The following PCDHGB4 variants were observed in gnomAD, a reference collection of about 807,000 sequenced individuals.
PCDHGB4 encodes protocadherin gamma subfamily B, 4.
Under a neutral mutation model 60.5 loss-of-function variants are expected in PCDHGB4, and 38 were observed. The observed-to-expected ratio is 0.63, with a 90% CI of 0.48 to 0.82. The LOEUF (loss-of-function observed/expected upper bound fraction) is 0.82. Ranked by LOEUF, PCDHGB4 falls within the 40% of genes least tolerant of loss-of-function variation. The pLI, the probability that PCDHGB4 is intolerant of heterozygous loss-of-function variation, is 0.00. For synonymous variants in PCDHGB4, 456 were observed against 509.7 expected (o/e 0.89, Z 1.42); for missense variants, 1,109 against 1,209.6 (o/e 0.92, Z 1.23).
rs761396116 is a variant in PCDHGB4 at position 141,409,790 on chromosome 5, C to T, written c.2397+19509C>T. 4 of 1,612,010 alleles carry T rather than the reference C, an allele frequency of 2.5e-6. No homozygotes were observed. The Admixed American group carries it at 5.0e-5, about 20-fold the overall frequency. ...TCACGAGCAGCTGCGCGCCTTCGCGCTCACGCTGCAGGCCCGCGACCACGG... is the reference window on the plus strand; with the variant it reads ...TCACGAGCAGCTGCGCGCCTTCGCGTTCACGCTGCAGGCCCGCGACCACGG... On this transcript the variant is annotated intron_variant, in intron 1 of 3. Transcript: ENST00000519479.
rs1486554010 is a variant in PCDHGB4 at position 141,431,630 on chromosome 5, G to C, written c.2397+41349G>C. Reference sequence around the variant, plus strand: ...GTATGTGGACGACAAGGCGGCCCAAGTTTTCAAACTAGATTGTAATTCAGG... The same window carrying C: ...GTATGTGGACGACAAGGCGGCCCAACTTTTCAAACTAGATTGTAATTCAGG... On this transcript the variant is annotated intron_variant, in intron 1 of 3. Transcript: ENST00000519479. This position sits in a 1 kb window ranked among gnomAD's most constrained non-coding sequence, Gnocchi z 4.8. 6.2e-7 allele frequency: 1 copy of C among 1,614,250 alleles called. No individual in the cohort carries two copies. Among genetic ancestry groups the C allele is most frequent in the East Asian group, 2.2e-5 (1 of 44,882 alleles).
At position 141,388,579 on chromosome 5, in the gene PCDHGB4, T is replaced by A. The variant is rs113550354; in HGVS notation, c.695T>A (p.Val232Glu). 7 of 1,613,908 alleles carry A rather than the reference T, an allele frequency of 4.3e-6. No homozygotes were observed. Among genetic ancestry groups the A allele is most frequent in the Non-Finnish European group, 5.1e-6 (6 of 1,179,890 alleles). The change falls in exon 1 of 4, where the codon GTG becomes GAG. Residue 232 changes from valine to glutamate, a missense_variant. Val to Glu is a moderately radical substitution (Grantham distance 121, BLOSUM62 -2). Around this residue, in one of 2 missense-constraint regions of PCDHGB4, gnomAD observed 1,068 missense variants for 1,089.9 expected, o/e 0.98. Transcript: ENST00000519479. Reference protein sequence around the residue: ...LSSTAQIHVLVTDANDNAPVF... With the variant: ...LSSTAQIHVLETDANDNAPVF... ...AGCACTGCACAGATACACGTTCTAG[T>A]GACTGATGCCAATGATAATGCTCCA...
intron 1 of PCDHGB4, among the ~76,000 whole-genome samples, chr5:141,468,178 T>G (rs1033546956): frequency 1.3e-5 from 2 of 151,580 alleles, no homozygotes; most frequent in African/African-American, 4.8e-5. Context: ...TAGAAAAATT[T>G]GCTGGGCATG....
At position 141,389,470 on chromosome 5, in the gene PCDHGB4, C is replaced by T. The variant is rs776427212; in HGVS notation, c.1586C>T (p.Thr529Ile). The T allele has an allele frequency of 1.2e-6, 2 of 1,613,240 alleles. No individual in the cohort carries two copies. The highest frequency in any genetic ancestry group is 2.2e-5 in the East Asian group (1 of 44,880). The change falls in exon 1 of 4, where the codon ACA becomes ATA. Residue 529 changes from threonine to isoleucine, a missense_variant. This residue lies in a region of PCDHGB4 where 1,068 missense variants were observed against 1,089.9 expected (regional missense o/e 0.98). Coordinates refer to ENST00000519479, the MANE Select transcript of PCDHGB4 (RefSeq NM_003736.4). ...GAGCAGCTGCGCGCCTTCGAACTCA[C>T]ACTGCAGGCCCGCGACCAGGGCTCG... is the stretch of plus-strand genomic sequence containing the variant. The part of the protein sequence containing the change: ...DHEQLRAFEL[T>I]LQARDQGSPA...
At chr5:141,460,596 C>G (rs930441447) in intron 1 of PCDHGB4, among the ~76,000 whole-genome samples, 2 of 151,986 alleles carry the variant, frequency 1.3e-5, no homozygotes, top group Non-Finnish European at 2.9e-5. Flanking sequence ...TTTCTGGGCT[C>G]TCTGTGTTAG....
chr5:141,412,343 A>T (rs928223487), intron 1 of PCDHGB4: 2 of 152,166 alleles, frequency 1.3e-5, no homozygotes, highest in African/African-American at 4.8e-5. Context: ...ATATATGTTC[A>T]TTTTAGTTTG....
Position 141,389,553 on chromosome 5 carries a change from G to A in PCDHGB4, c.1669G>A (p.Ala557Thr). ...GTTAGTGGACGACCGCAACGACAAT[G>A]CGCCACGGGTGCTGTACCCCGCGCT... The part of the protein sequence containing the change: ...RVLVDDRNDN[A>T]PRVLYPALGP... Residue 557 changes from alanine (A) to threonine (T), a missense_variant, in exon 1 of 4, where the codon GCG becomes ACG. By Grantham distance (58) the Ala-to-Thr change is moderately conservative. Around this residue, in one of 2 missense-constraint regions of PCDHGB4, gnomAD observed 1,068 missense variants for 1,089.9 expected, o/e 0.98. Coordinates refer to ENST00000519479, the MANE Select transcript of PCDHGB4 (RefSeq NM_003736.4). 6.2e-7 allele frequency: 1 copy of A among 1,613,234 alleles called. No homozygotes were observed. Among genetic ancestry groups the A allele is most frequent in the South Asian group, 1.1e-5 (1 of 91,080 alleles).
chr5:141,473,163 G>T (rs1379230893), intron 1 of PCDHGB4, among the ~76,000 whole-genome samples: 2 of 152,160 alleles, frequency 1.3e-5, no homozygotes, highest in Non-Finnish European at 1.5e-5. Flanking sequence ...GGGCTAGGAA[G>T]GCCCACTGGT....
At chr5:141,428,286 A>G in intron 1 of PCDHGB4, 1 of 730,462 alleles carries the variant, frequency 1.4e-6, no homozygotes, top group Non-Finnish European at 2.4e-6. Flanking sequence ...ATTCCCAAGC[A>G]AAGCTGCAGA....
chr5:141,413,265 T>C, intron 1 of PCDHGB4: 1 of 1,613,958 alleles, frequency 6.2e-7, no homozygotes, highest in Non-Finnish European at 8.5e-7. Context: ...CATGGGAGGC[T>C]GGAGCCCGGC....
chr5:141,448,851 A>T (rs1374003271), intron 1 of PCDHGB4, among the ~76,000 whole-genome samples: 1 of 152,124 alleles, frequency 6.6e-6, no homozygotes, highest in Admixed American at 6.5e-5. Context: ...AGGCTGAGGC[A>T]GGAGAATGGC....
Position 141,511,983 on chromosome 5 carries a change from G to C in PCDHGB4, c.*810G>C, listed in dbSNP as rs904146751. On this transcript the variant is annotated 3_prime_UTR_variant, in exon 4 of 4. Coordinates refer to ENST00000519479, the MANE Select transcript of PCDHGB4 (RefSeq NM_003736.4). ...AGGGAAGTGTGTGGATGTGGATGGT[G>C]GGGGCATGGACAAAGCTTGACACAT... 6.5e-6 allele frequency: 1 copy of C among 153,280 alleles called. No individual in the cohort carries two copies. The allele number at this position is 153,280 out of a possible 1,614,324, so 9.5% of individuals were successfully genotyped here.
In PCDHGB4 at chr5:141,399,479, C is replaced by T. The variant is rs774561101; in HGVS notation, c.2397+9198C>T. 3 of 1,614,032 alleles carry T rather than the reference C, an allele frequency of 1.9e-6. No individual in the cohort carries two copies. In the Admixed American group the frequency reaches 5.0e-5, roughly 27 times the overall value. On this transcript the variant is annotated intron_variant, in intron 1 of 3. Transcript: ENST00000519479. ...GATAACGCTCCGGTTTTCCACCAGG[C>T]GTCCTACTTAGTCAGTGTACCCGAA...
intron 1 of PCDHGB4, among the ~76,000 whole-genome samples, chr5:141,465,785 T>G (rs564238782): frequency 6.6e-6 from 1 of 152,262 alleles, no homozygotes; most frequent in South Asian, 2.1e-4. Flanking sequence ...TACAGTTTTT[T>G]TTTTTTTAAG....
chr5:141,464,898 C>T (rs969877255), intron 1 of PCDHGB4, among the ~76,000 whole-genome samples: 4 of 151,958 alleles, frequency 2.6e-5, no homozygotes, highest in African/African-American at 4.8e-5. Flanking sequence ...GCCACCATGT[C>T]CAGCTAATTT....
chr5:141,414,828 G>T (rs780047810), intron 1 of PCDHGB4: 1 of 1,614,210 alleles, frequency 6.2e-7, no homozygotes, highest in East Asian at 2.2e-5. Context: ...GCAACGTGTC[G>T]TTGAGCCTGT....
chr5:141,458,171 A>G (rs548935841), intron 1 of PCDHGB4, among the ~76,000 whole-genome samples: 74 of 152,336 alleles, frequency 4.9e-4, no homozygotes, highest in African/African-American at 1.6e-3. Flanking sequence ...TCACAGTAGT[A>G]TACCTTACTT....
chr5:141,432,584 C>T lies in PCDHGB4; in HGVS notation c.2397+42303C>T, dbSNP rs762935149. The T allele has an allele frequency of 2.3e-5, 37 of 1,613,854 alleles. No individual in the cohort carries two copies. The highest frequency in any genetic ancestry group is 3.3e-4 in the Middle Eastern group (2 of 6,018). On this transcript the variant is annotated intron_variant, in intron 1 of 3. Coordinates refer to ENST00000519479, the MANE Select transcript of PCDHGB4 (RefSeq NM_003736.4). The surrounding 1 kb of genome is among the most constrained non-coding windows in gnomAD (Gnocchi z 6.0). ...GAACGCCTGGCTGTCCTACCGTCTG[C>T]TCAAGGCCAGCGAGCCGGGACTCTT...
intron 1 of PCDHGB4, chr5:141,441,943 C>CT: frequency 1.2e-5 from 4 of 336,004 alleles, no homozygotes; most frequent in South Asian, 1.1e-4. Flanking sequence ...CTACCACGTG[C>CT]TGCAGGCCAG....
Sources: gnomAD v4.1 joint callset for allele counts (sites outside exome capture counted in the v4.1 genomes callset) on GRCh38, gnomAD v4.1.1 for gene constraint, gnomAD v4.1.1 regional missense constraint, Gnocchi (gnomAD v3.1) non-coding constraint, MANE v1.5 for transcripts, NCBI Gene and HGNC (gene_info 2026-07-23, HGNC 2026-07-21) for gene names.